Variants in ADAMTS20 observed in about 807,000 individuals in gnomAD.
ADAMTS20 encodes ADAM metallopeptidase with thrombospondin type 1 motif 20.
Under a neutral mutation model 260.1 loss-of-function variants are expected in ADAMTS20, and 225 were observed. The observed-to-expected ratio is 0.87, with a 90% CI of 0.78 to 0.97. The LOEUF (loss-of-function observed/expected upper bound fraction) is 0.97, where lower values mean the gene tolerates loss of function less well. Among genes scored for constraint, ADAMTS20 ranks in the 50% least tolerant of loss-of-function variants. The probability of loss-of-function intolerance (pLI) is 0.00; values close to 1 mark genes in which losing one functional copy is unlikely to be tolerated. For missense variants in ADAMTS20, 2,400 were observed against 2,337.7 expected, an observed-to-expected ratio of 1.03 and a Z score of -0.55; for synonymous variants, 802 against 769.5, an observed-to-expected ratio of 1.04 and a Z score of -0.70.
intron 28 of ADAMTS20, among the ~76,000 whole-genome samples, chr12:43,406,359 A>T (rs1259233634): frequency 6.6e-6 from 1 of 152,128 alleles, no homozygotes; most frequent in East Asian, 1.9e-4. Flanking sequence ...AGCAAAGTTA[A>T]ATTAAAAATT....
chr12:43,446,453 G>A, intron 15 of ADAMTS20, 142 bp downstream of exon 15: 1 of 572,580 alleles, frequency 1.7e-6, no homozygotes, highest in Non-Finnish European at 3.0e-6. Context: ...TTTATATTTA[G>A]GAAATTTTTC....
At chr12:43,398,032 T>A (rs11613893) in intron 29 of ADAMTS20, among the ~76,000 whole-genome samples, 3,419 of 152,218 alleles carry the variant, frequency 0.022, 58 homozygotes, top group East Asian at 0.085. Flanking sequence ...AGCTCCCCAA[T>A]AGACATAACT....
intron 28 of ADAMTS20, among the ~76,000 whole-genome samples, chr12:43,421,301 T>G (rs1941233497): frequency 1.0e-5 from 1 of 99,268 alleles, no homozygotes; most frequent in Non-Finnish European, 2.1e-5. Context: ...AAAAAAAACT[T>G]TCTCTTTTTT....
chr12:43,399,545 C>T (rs1319865070), intron 28 of ADAMTS20, among the ~76,000 whole-genome samples: 25 of 152,068 alleles, frequency 1.6e-4, no homozygotes, highest in Admixed American at 1.6e-3. Context: ...TTAGACTATC[C>T]TCAACTAACT....
At chr12:43,443,993 T>C in intron 15 of ADAMTS20, 110 bp from the exon 16 acceptor site, 1 of 778,984 alleles carries the variant, frequency 1.3e-6, no homozygotes, top group Non-Finnish European at 2.1e-6. Flanking sequence ...TTAATTTTGT[T>C]GTGTCTTTAC....
chr12:43,463,392 AT>A (rs1385929901), intron 10 of ADAMTS20, among the ~76,000 whole-genome samples: 1 of 152,198 alleles, frequency 6.6e-6, no homozygotes, highest in Non-Finnish European at 1.5e-5. Flanking sequence ...AATAATCTGC[AT>A]TGAAATAATG....
intron 7 of ADAMTS20, among the ~76,000 whole-genome samples, chr12:43,490,099 A>G (rs1190533093): frequency 6.6e-6 from 1 of 151,992 alleles, no homozygotes; most frequent in East Asian, 1.9e-4. Context: ...CCTAAATCTA[A>G]TGGTGAATTC....
intron 7 of ADAMTS20, among the ~76,000 whole-genome samples, chr12:43,475,346 C>G (rs1490806273): frequency 7.3e-6 from 1 of 136,344 alleles, no homozygotes; most frequent in Non-Finnish European, 1.6e-5. Context: ...AAAGAGGATA[C>G]AAACAAATGG....
intron 15 of ADAMTS20, among the ~76,000 whole-genome samples, chr12:43,444,187 GTACACA>G (rs1260849629): frequency 6.6e-6 from 1 of 151,926 alleles, no homozygotes; most frequent in African/African-American, 2.4e-5. Flanking sequence ...GAGACCCTTA[GTACACA>G]TACCCATTTT....
chr12:43,448,246 C>T (rs143927998), intron 14 of ADAMTS20, among the ~76,000 whole-genome samples: 75 of 152,210 alleles, frequency 4.9e-4, no homozygotes, highest in African/African-American at 1.7e-3. Flanking sequence ...AACTATACTA[C>T]AGGGCTACAG....
chr12:43,408,589 A>G (rs1450791666), intron 28 of ADAMTS20, among the ~76,000 whole-genome samples: 1 of 152,192 alleles, frequency 6.6e-6, no homozygotes, highest in East Asian at 1.9e-4. Context: ...GAAATAAATG[A>G]GTTCTAAGGA....
chr12:43,463,234 G>A (rs181329442), intron 10 of ADAMTS20, among the ~76,000 whole-genome samples: 562 of 152,238 alleles, frequency 3.7e-3, no homozygotes, highest in Middle Eastern at 6.8e-3. Context: ...ACATTGAATA[G>A]GAGTTATGAA....
intron 32 of ADAMTS20, among the ~76,000 whole-genome samples, 169 bp from the exon 33 acceptor site, chr12:43,376,822 GA>G (rs1346265419): frequency 2.0e-5 from 3 of 152,158 alleles, no homozygotes; most frequent in African/African-American, 7.2e-5. Context: ...TCGCCGGTGG[GA>G]AAAATCCTTA....
intron 2 of ADAMTS20, among the ~76,000 whole-genome samples, chr12:43,542,014 A>G (rs938633795): frequency 2.6e-5 from 4 of 152,256 alleles, no homozygotes; most frequent in Non-Finnish European, 5.9e-5. Flanking sequence ...TCCAAAAGAC[A>G]CAAGTTCAAA....
intron 7 of ADAMTS20, among the ~76,000 whole-genome samples, chr12:43,486,571 A>C (rs1385116252): frequency 6.6e-6 from 1 of 152,140 alleles, no homozygotes; most frequent in Non-Finnish European, 1.5e-5. Context: ...AACAAAAATA[A>C]ATAAATGGAA....
At chr12:43,546,471 G>A (rs547903457) in intron 2 of ADAMTS20, among the ~76,000 whole-genome samples, 1 of 152,068 alleles carries the variant, frequency 6.6e-6, no homozygotes, top group Admixed American at 6.6e-5. Context: ...GAACACCCTA[G>A]GTAATATGAG....
At chr12:43,532,255 A>G in intron 2 of ADAMTS20, 60 bp from the exon 3 acceptor site, 2 of 1,461,264 alleles carry the variant, frequency 1.4e-6, no homozygotes, top group Non-Finnish European at 1.9e-6. Flanking sequence ...GAAAAAACAC[A>G]TAGTACCACA....
intron 28 of ADAMTS20, chr12:43,423,725 C>T (rs1039620157): frequency 1.4e-6 from 1 of 702,120 alleles, no homozygotes; most frequent in Non-Finnish European, 2.6e-6. Context: ...TTTCAAATCT[C>T]CCCAAGTAAA....
chr12:43,452,485 A>ACAC (rs1254525878), intron 13 of ADAMTS20, 29 bp downstream of exon 13: 1 of 1,603,974 alleles, frequency 6.2e-7, no homozygotes, highest in African/African-American at 1.3e-5. Context: ...AGAAAAATTT[A>ACAC]CATCAAAGAA....
Sources: allele counts gnomAD v4.1 joint callset (sites outside exome capture counted in the v4.1 genomes callset), GRCh38; gene constraint gnomAD v4.1.1; transcripts MANE v1.5; gene names NCBI Gene and HGNC (gene_info 2026-07-23, HGNC 2026-07-21).